SLC2A9: variants seen among roughly 807,000 people sequenced by gnomAD.
SLC2A9 encodes the protein solute carrier family 2, facilitated glucose transporter member 9.
SLC2A9 carries 39 observed loss-of-function variants against 50.6 expected under a neutral mutation model. The ratio of observed to expected loss-of-function variants is 0.77; its 90% confidence interval spans 0.60 to 1.01. SLC2A9 has a LOEUF of 1.01. Ranked by LOEUF, SLC2A9 falls within the 50% of genes least tolerant of loss-of-function variation. The pLI is 0.00. For synonymous variants in SLC2A9, 324 were observed against 276.9 expected (o/e 1.17, Z -1.69); for missense variants, 686 against 677.6 (o/e 1.01, Z -0.14).
chr4:9,832,526 C>T (rs551884814), intron 11 of SLC2A9, among the ~76,000 whole-genome samples: 12 of 152,240 alleles, frequency 7.9e-5, no homozygotes, highest in African/African-American at 1.9e-4. Flanking sequence ...CAATGTTTCC[C>T]GAATGACCCC....
chr4:9,834,155 AC>A, intron 11 of SLC2A9, among the ~76,000 whole-genome samples: 1 of 151,938 alleles, frequency 6.6e-6, no homozygotes, highest in South Asian at 2.1e-4. Context: ...CTGCTCCCTC[AC>A]TTCACTCAGG....
At chr4:10,025,370 G>A (rs188377920), upstream of SLC2A9, among the ~76,000 whole-genome samples, 62 of 152,288 alleles carry the variant, frequency 4.1e-4, no homozygotes, top group Non-Finnish European at 6.8e-4. Context: ...AGAGAACCAT[G>A]TAAAGAGTCT....
At chr4:9,944,699 T>C (rs1161896893) in intron 5 of SLC2A9, among the ~76,000 whole-genome samples, 3 of 152,262 alleles carry the variant, frequency 2.0e-5, no homozygotes, top group African/African-American at 7.2e-5. Flanking sequence ...AGATAAGAGT[T>C]TACTCCAGAG....
chr4:9,788,316 A>G (rs1719481134), intron 3 of SLC2A9, among the ~76,000 whole-genome samples: 1 of 151,324 alleles, frequency 6.6e-6, no homozygotes, highest in Non-Finnish European at 1.5e-5. Context: ...CAGCCTCCCA[A>G]GTAGCTGGGA....
intron 11 of SLC2A9, among the ~76,000 whole-genome samples, chr4:9,827,591 C>T (rs1461591299): frequency 6.6e-6 from 1 of 152,234 alleles, no homozygotes; most frequent in Non-Finnish European, 1.5e-5. Context: ...GGATCACATC[C>T]TAGATCTACC....
At chr4:9,798,096 CT>C (rs559257867), downstream of SLC2A9, among the ~76,000 whole-genome samples, 66 of 152,274 alleles carry the variant, frequency 4.3e-4, 2 homozygotes, top group South Asian at 7.5e-3. Context: ...CTCTTTGGTC[CT>C]TTGGAGGGAT....
chr4:9,781,301 C>G (rs138430132), intron 3 of SLC2A9, among the ~76,000 whole-genome samples: 1 of 152,228 alleles, frequency 6.6e-6, no homozygotes. Context: ...TAATCCAAGG[C>G]TGCCCCGCTT....
At chr4:9,783,657 C>CA (rs1718834223) in intron 3 of SLC2A9, 1 of 611,818 alleles carries the variant, frequency 1.6e-6, no homozygotes, top group African/African-American at 1.9e-5. Flanking sequence ...GCAATAAACT[C>CA]AGTCAAATGT....
In SLC2A9 at chr4:9,931,978, A is replaced by C. The variant is rs1194145420; in HGVS notation, c.814+9935T>G. Among the ~76,000 whole-genome samples the C allele has an allele frequency of 6.9e-4, 46 of 66,578 alleles. 1 individual carries two copies. Among genetic ancestry groups the C allele is most frequent in the Middle Eastern group, 0.013 (2 of 150 alleles). 43.7% of individuals were successfully genotyped at this position (66,578 alleles called of 152,430 possible). The stretch of plus-strand genomic sequence containing the variant: ...TCTCTCTCTCTATATATATATATAT[A>C]TATATATATATATATATATATGCCT... On this transcript the variant is annotated intron_variant, in intron 6 of 11. Coordinates refer to ENST00000264784, the MANE Select transcript of SLC2A9 (RefSeq NM_020041.3).
At chr4:9,811,131 A>T (rs1722837035) in intron 3 of SLC2A9, among the ~76,000 whole-genome samples, 1 of 147,958 alleles carries the variant, frequency 6.8e-6, no homozygotes, top group African/African-American at 2.6e-5. Context: ...CCCTCCTGGG[A>T]TGGACTCAGG....
At chr4:9,877,728 C>T (rs1270987752) in intron 10 of SLC2A9, among the ~76,000 whole-genome samples, 1 of 152,198 alleles carries the variant, frequency 6.6e-6, no homozygotes, top group Non-Finnish European at 1.5e-5. Flanking sequence ...GTTGCAGGTG[C>T]AGGCCTGGCA....
chr4:9,867,043 T>C (rs1459736391), intron 10 of SLC2A9, among the ~76,000 whole-genome samples: 1 of 152,224 alleles, frequency 6.6e-6, no homozygotes, highest in African/African-American at 2.4e-5. Flanking sequence ...CAAGAACTTT[T>C]TGTCAGCGTG....
chr4:9,780,937 G>T (rs1718272583), intron 3 of SLC2A9, among the ~76,000 whole-genome samples: 1 of 152,148 alleles, frequency 6.6e-6, no homozygotes, highest in Non-Finnish European at 1.5e-5. Flanking sequence ...GGGGGTGGGG[G>T]GCTCTCTTCC....
chr4:9,869,549 C>T lies in SLC2A9; in HGVS notation c.1291+18018G>A, dbSNP rs567559615. Among the ~76,000 whole-genome samples the T allele has an allele frequency of 2.6e-5, 4 of 152,322 alleles. No homozygotes were observed. In the South Asian group the frequency reaches 6.2e-4, roughly 24 times the overall value. On this transcript the variant is annotated intron_variant, in intron 10 of 11. Transcript: ENST00000264784. ...CCCTGCTCACCTTGCTAGACCACGG[C>T]CAACCATTTCCTGCTCTGGGACTCT...
chr4:10,017,319 T>C (rs766219962), intron 2 of SLC2A9, among the ~76,000 whole-genome samples: 1 of 152,230 alleles, frequency 6.6e-6, no homozygotes, highest in African/African-American at 2.4e-5. Flanking sequence ...CTCACCTGGA[T>C]GTTTTGATGA....
At chr4:9,777,581 T>G (rs576493887), downstream of SLC2A9, among the ~76,000 whole-genome samples, 4 of 152,296 alleles carry the variant, frequency 2.6e-5, no homozygotes, top group South Asian at 8.3e-4. Flanking sequence ...GCACCTTTCT[T>G]GGTTGATTGA....
intron 8 of SLC2A9, among the ~76,000 whole-genome samples, chr4:9,902,100 T>C (rs984199500): frequency 1.8e-4 from 28 of 152,210 alleles, no homozygotes; most frequent in African/African-American, 6.5e-4. Context: ...TTGCCTGACA[T>C]GCTCTTCCCA....
chr4:9,842,717 T>C (rs1728273454), intron 10 of SLC2A9, among the ~76,000 whole-genome samples: 1 of 152,232 alleles, frequency 6.6e-6, no homozygotes, highest in East Asian at 1.9e-4. Context: ...TCAATATATG[T>C]TGCCCAACAG....
intron 1 of SLC2A9, 61 bp from the exon 2 acceptor site, chr4:10,019,134 G>T (rs1445789636): frequency 2.2e-6 from 3 of 1,338,210 alleles, no homozygotes; most frequent in Non-Finnish European, 3.1e-6. Flanking sequence ...GCCGAGGGAA[G>T]ACCTGGAACG....
Sources: gnomAD v4.1 joint callset for allele counts (sites outside exome capture counted in the v4.1 genomes callset) on GRCh38, gnomAD v4.1.1 for gene constraint, MANE v1.5 for transcripts, NCBI Gene and HGNC (gene_info 2026-07-23, HGNC 2026-07-21) for gene names.